The following CDH4 variants were observed in gnomAD, a reference collection of about 807,000 sequenced individuals.
CDH4 encodes the protein cadherin 4.
A neutral mutation model predicts 86.0 loss-of-function variants in CDH4; 33 were observed. That is an observed-to-expected ratio of 0.38 (90% CI 0.29 to 0.51). CDH4 has a LOEUF of 0.51. Among genes scored for constraint, CDH4 ranks in the 20% least tolerant of loss-of-function variants. The probability of loss-of-function intolerance (pLI) is 0.86; values close to 1 mark genes in which losing one functional copy is unlikely to be tolerated. For synonymous variants in CDH4, 555 were observed against 549.4 expected, an observed-to-expected ratio of 1.01 and a Z score of -0.14; for missense variants, 1,114 against 1,307.4, an observed-to-expected ratio of 0.85 and a Z score of 2.28.
chr20:61,354,299 C>T (rs1843898092), intron 2 of CDH4, among the ~76,000 whole-genome samples: 1 of 152,142 alleles, frequency 6.6e-6, no homozygotes, highest in Admixed American at 6.5e-5. Flanking sequence ...CCTCCTGGAT[C>T]CCCCAAGACC....
intron 2 of CDH4, among the ~76,000 whole-genome samples, chr20:61,649,841 T>G (rs1360881464): frequency 1.3e-5 from 2 of 152,218 alleles, no homozygotes; most frequent in Non-Finnish European, 2.9e-5. Context: ...CTGTGACACC[T>G]GAAAGAAGGA....
intron 9 of CDH4, among the ~76,000 whole-genome samples, chr20:61,912,656 C>T (rs972181400): frequency 6.6e-6 from 1 of 152,170 alleles, no homozygotes; most frequent in African/African-American, 2.4e-5. Flanking sequence ...CTTTCTTCTT[C>T]AAGAGAGGCT....
chr20:61,786,107 G>A (rs539831633), intron 4 of CDH4, among the ~76,000 whole-genome samples: 8 of 152,282 alleles, frequency 5.3e-5, no homozygotes, highest in Admixed American at 1.3e-4. Context: ...GGCTTTGGGG[G>A]TCTTCGGCTC....
At position 61,581,910 on chromosome 20, in the gene CDH4, G is replaced by A. The variant is rs2086432035; in HGVS notation, c.170-161653G>A. Among the ~76,000 whole-genome samples the A allele has an allele frequency of 6.6e-5, 10 of 152,146 alleles. No individual in the cohort carries two copies. The South Asian group carries it at 2.1e-3, about 32-fold the overall frequency. On this transcript the variant is annotated intron_variant, in intron 2 of 15. Transcript: ENST00000614565. ...TGAGCTCCCGCCGTCTCCCCAGCCG[G>A]TAGACCTGAGCCACAGGCACCTCCT...
intron 2 of CDH4, among the ~76,000 whole-genome samples, chr20:61,591,553 A>T (rs951323742): frequency 6.6e-6 from 1 of 151,690 alleles, no homozygotes; most frequent in African/African-American, 2.4e-5. Context: ...AGGGAGGGTC[A>T]TTTTAATCTC....
chr20:61,383,744 AAGAT>A (rs2084933069), intron 2 of CDH4, among the ~76,000 whole-genome samples: 1 of 137,910 alleles, frequency 7.3e-6, no homozygotes, highest in African/African-American at 2.7e-5. Flanking sequence ...GATATATATG[AAGAT>A]ATATGCATAT....
At chr20:61,688,539 C>T (rs901805622) in intron 2 of CDH4, among the ~76,000 whole-genome samples, 8 of 152,240 alleles carry the variant, frequency 5.3e-5, no homozygotes, top group Non-Finnish European at 1.2e-4. Flanking sequence ...GGGCAGGACA[C>T]CTGCTTCTCG....
chr20:61,665,394 G>A (rs950727014), intron 2 of CDH4, among the ~76,000 whole-genome samples: 3 of 152,228 alleles, frequency 2.0e-5, no homozygotes, highest in African/African-American at 7.2e-5. Context: ...GTTAAGCGAT[G>A]CTAAAAACAA....
chr20:61,389,126 C>T (rs963157010), intron 2 of CDH4, among the ~76,000 whole-genome samples: 1 of 152,232 alleles, frequency 6.6e-6, no homozygotes, highest in African/African-American at 2.4e-5. Flanking sequence ...GGCTGTTCTG[C>T]CAGTGGGCTG....
rs1979838218 is a variant in CDH4 at position 61,801,681 on chromosome 20, C to A, written c.576+28499C>A. 2.9e-5 allele frequency among the ~76,000 whole-genome samples: 4 copies of A among 135,802 alleles called. No homozygotes were observed. In the South Asian group the frequency reaches 1.0e-3, roughly 34 times the overall value. The allele number at this position is 135,802 out of a possible 152,430, so 89.1% of individuals were successfully genotyped here. ...TCCTGCCCTTTCCCGTTTCTAGAGG[C>A]TCCTGCCCCACCTCTGTGGCTCCTG... On this transcript the variant is annotated intron_variant, in intron 4 of 15. Transcript: ENST00000614565.
intron 2 of CDH4, among the ~76,000 whole-genome samples, chr20:61,565,173 T>TGCTCTC (rs2086263440): frequency 1.3e-5 from 1 of 79,160 alleles, no homozygotes; most frequent in Non-Finnish European, 2.3e-5. Context: ...GGTGATGGGG[T>TGCTCTC]GGTGGTGGTG....
At chr20:61,627,567 C>A (rs560041195) in intron 2 of CDH4, among the ~76,000 whole-genome samples, 90 of 152,334 alleles carry the variant, frequency 5.9e-4, no homozygotes, top group African/African-American at 2.1e-3. Context: ...ATGGAGAGCT[C>A]TTTGTGTCGA....
intron 2 of CDH4, among the ~76,000 whole-genome samples, chr20:61,342,433 A>T (rs555780803): frequency 1.3e-5 from 2 of 152,300 alleles, no homozygotes; most frequent in South Asian, 4.2e-4. Context: ...TTAGATTCTC[A>T]TAAGGAGTGT....
At chr20:61,386,607 T>C (rs1297768783) in intron 2 of CDH4, among the ~76,000 whole-genome samples, 1 of 152,244 alleles carries the variant, frequency 6.6e-6, no homozygotes, top group Non-Finnish European at 1.5e-5. Flanking sequence ...GTTACCTGGC[T>C]CTGCCCTTCC....
At chr20:61,478,158 C>T (rs564804048) in intron 2 of CDH4, among the ~76,000 whole-genome samples, 7 of 152,200 alleles carry the variant, frequency 4.6e-5, no homozygotes, top group African/African-American at 1.4e-4. Context: ...GACAGGACTC[C>T]CCTAAAGGGT....
intron 2 of CDH4, among the ~76,000 whole-genome samples, chr20:61,521,167 C>T (rs2085866266): frequency 6.6e-6 from 1 of 152,186 alleles, no homozygotes; most frequent in South Asian, 2.1e-4. Context: ...GACTAATTTC[C>T]AGCACGTGTG....
chr20:61,874,452 G>A (rs1983934500), intron 7 of CDH4, among the ~76,000 whole-genome samples: 3 of 152,304 alleles, frequency 2.0e-5, no homozygotes, highest in South Asian at 4.1e-4. Flanking sequence ...ACTGTCCTGC[G>A]GTCCTACGAG....
intron 2 of CDH4, among the ~76,000 whole-genome samples, chr20:61,559,886 C>T (rs1397302797): frequency 3.9e-5 from 6 of 152,288 alleles, no homozygotes; most frequent in African/African-American, 1.4e-4. Context: ...TCTTGCTTGC[C>T]AGTGCGGTGT....
chr20:61,829,780 A>T lies in CDH4; in HGVS notation c.577-14888A>T, dbSNP rs1412732815. ...TGCTCAGCCTCCAGCTTTGGGGCTGATGGCTCTGCCCCCAGGGAGTCTGTG... is the reference window on the plus strand; with the variant it reads ...TGCTCAGCCTCCAGCTTTGGGGCTGTTGGCTCTGCCCCCAGGGAGTCTGTG... On this transcript the variant is annotated intron_variant, in intron 4 of 15. Coordinates refer to ENST00000614565, the MANE Select transcript of CDH4 (RefSeq NM_001794.5). This position sits in a 1 kb window ranked among gnomAD's most constrained non-coding sequence, Gnocchi z 4.2. Among the ~76,000 whole-genome samples the T allele has an allele frequency of 2.0e-5, 3 of 152,038 alleles. No individual in the cohort carries two copies. The highest frequency in any genetic ancestry group is 2.0e-4 in the Admixed American group (3 of 15,274).
Sources: gnomAD v4.1 joint callset for allele counts (sites outside exome capture counted in the v4.1 genomes callset) on GRCh38, gnomAD v4.1.1 for gene constraint, Gnocchi (gnomAD v3.1) non-coding constraint, MANE v1.5 for transcripts, NCBI Gene and HGNC (gene_info 2026-07-23, HGNC 2026-07-21) for gene names.